SLC6A13: variants seen among roughly 807,000 people sequenced by gnomAD.
SLC6A13 encodes sodium- and chloride-dependent GABA transporter 2.
A neutral mutation model predicts 72.9 loss-of-function variants in SLC6A13; 69 were observed. That is an observed-to-expected ratio of 0.95 (90% confidence interval 0.78 to 1.16). The LOEUF (loss-of-function observed/expected upper bound fraction) is 1.16, where lower values mean the gene tolerates loss of function less well. SLC6A13 is among the 50% of genes most tolerant of loss of function. SLC6A13 has a pLI of 0.00. For missense variants in SLC6A13, 735 were observed against 760.5 expected (o/e 0.97, Z 0.39); for synonymous variants, 303 against 303.0 (o/e 1.00, Z 0.00).
intron 4 of SLC6A13, chr12:238,376 C>T (rs1326061111): frequency 7.7e-7 from 1 of 1,299,222 alleles, no homozygotes; most frequent in South Asian, 1.2e-5. Flanking sequence ...AGTGATGTGT[C>T]AGAGTGGCCG....
chr12:232,793 T>C (rs1197632857), intron 7 of SLC6A13, among the ~76,000 whole-genome samples: 1 of 152,240 alleles, frequency 6.6e-6, no homozygotes, highest in Non-Finnish European at 1.5e-5. Flanking sequence ...GGGAGGTTTC[T>C]GAATAGCCAT....
At chr12:249,088 T>C (rs1403529385) in intron 2 of SLC6A13, among the ~76,000 whole-genome samples, 7 of 152,312 alleles carry the variant, frequency 4.6e-5, no homozygotes, top group Middle Eastern at 3.4e-3. Flanking sequence ...TGGAATGAAA[T>C]GAAACCCAGT....
chr12:226,797 C>T (rs899405525), intron 8 of SLC6A13: 14 of 292,546 alleles, frequency 4.8e-5, no homozygotes, highest in Middle Eastern at 1.1e-3. Flanking sequence ...TGTGACAAAC[C>T]GCCACACAGC....
chr12:223,709 GGA>G (rs1442744293), intron 11 of SLC6A13: 6 of 406,274 alleles, frequency 1.5e-5, no homozygotes, highest in Non-Finnish European at 2.7e-5. Flanking sequence ...AGATCTTGCT[GGA>G]GAGTCAGCTT....
chr12:253,731 T>A (rs904210755), intron 2 of SLC6A13: 9 of 152,388 alleles, frequency 5.9e-5, no homozygotes, highest in African/African-American at 1.9e-4. Flanking sequence ...AGGCCCGTGT[T>A]CTGAAGCACC....
intron 7 of SLC6A13, among the ~76,000 whole-genome samples, chr12:232,107 C>A (rs1214087551): frequency 6.6e-6 from 1 of 152,214 alleles, no homozygotes; most frequent in African/African-American, 2.4e-5. Flanking sequence ...AGCCTCTTAA[C>A]AATGTCAGGG....
chr12:231,550 AGAG>A (rs975227565), intron 7 of SLC6A13, among the ~76,000 whole-genome samples: 4 of 152,156 alleles, frequency 2.6e-5, no homozygotes, highest in Non-Finnish European at 5.9e-5. Flanking sequence ...TGGACCAGGC[AGAG>A]AAGAAGGCTG....
At chr12:238,227 C>A in intron 4 of SLC6A13, 1 of 1,517,046 alleles carries the variant, frequency 6.6e-7, no homozygotes, top group Non-Finnish European at 8.8e-7. Context: ...TACATAGATG[C>A]TTGGGTATAC....
intron 9 of SLC6A13, among the ~76,000 whole-genome samples, chr12:225,755 G>C (rs1234558363): frequency 6.6e-6 from 1 of 152,106 alleles, no homozygotes; most frequent in African/African-American, 2.4e-5. Flanking sequence ...GTGTGGCCCA[G>C]GCGTGCTTCT....
intron 2 of SLC6A13, among the ~76,000 whole-genome samples, chr12:248,403 GA>G (rs35297718): frequency 0.63 from 63,376 of 100,384 alleles, 19,317 homozygotes; most frequent in Non-Finnish European, 0.74. Flanking sequence ...CTCCGTCTCG[GA>G]AAAAAAAAAA....
intron 4 of SLC6A13, among the ~76,000 whole-genome samples, chr12:240,299 G>C (rs1031857353): frequency 1.3e-5 from 2 of 152,126 alleles, no homozygotes; most frequent in African/African-American, 4.8e-5. Flanking sequence ...CACCTCCCAG[G>C]CTCAAGCAAT....
intron 6 of SLC6A13, 73 bp from the exon 7 acceptor site, chr12:235,297 G>A (rs1941885916): frequency 1.5e-5 from 23 of 1,516,108 alleles, no homozygotes; most frequent in Non-Finnish European, 2.1e-5. Flanking sequence ...AGGGGCAGGA[G>A]GCAGGGGCAA....
At chr12:233,878 G>A (rs966266763) in intron 7 of SLC6A13, among the ~76,000 whole-genome samples, 9 of 152,140 alleles carry the variant, frequency 5.9e-5, no homozygotes, top group South Asian at 2.1e-4. Flanking sequence ...GAACCACAGC[G>A]GCTCCAGCTT....
At chr12:228,509 CG>C (rs1305719249) in intron 7 of SLC6A13, among the ~76,000 whole-genome samples, 1 of 152,108 alleles carries the variant, frequency 6.6e-6, no homozygotes, top group Non-Finnish European at 1.5e-5. Flanking sequence ...GAAAGGGCGC[CG>C]GATGACCCGT....
At chr12:238,084 T>C (rs1470517472) in intron 4 of SLC6A13, 74 bp from the exon 5 acceptor site, 1 of 1,585,136 alleles carries the variant, frequency 6.3e-7, no homozygotes, top group African/African-American at 1.3e-5. Context: ...GAGAGTGGGG[T>C]GAAATTCTAG....
rs1941167340 is a variant in SLC6A13, at chr12:220,671, A to G, written c.*277T>C. On this transcript the variant is annotated 3_prime_UTR_variant, in exon 15 of 15. Coordinates refer to ENST00000343164, the MANE Select transcript of SLC6A13 (RefSeq NM_016615.5). ...TGGAATGAAGGATGAGAGGGCCCGA[A>G]GCCAGCAAGTCTCGCCCCACCTACC... 7.1e-6 allele frequency: 3 copies of G among 421,104 alleles called. No homozygotes were observed. Among genetic ancestry groups the G allele is most frequent in the Non-Finnish European group, 1.3e-5 (3 of 230,298 alleles). The allele number at this position is 421,104 out of a possible 1,614,324, so 26.1% of individuals were successfully genotyped here.
intron 12 of SLC6A13, 22 bp downstream of exon 12, chr12:223,110 A>T: frequency 5.5e-6 from 8 of 1,447,822 alleles, no homozygotes; most frequent in Non-Finnish European, 7.8e-6. Flanking sequence ...GGATGCTGGG[A>T]CCTAGGGGAG....
At chr12:256,695 T>C (rs1019630460) in intron 2 of SLC6A13, 3 of 152,328 alleles carry the variant, frequency 2.0e-5, no homozygotes, top group East Asian at 1.9e-4. Context: ...ACTAAAATTG[T>C]GCTCTGAGGA....
intron 13 of SLC6A13, 121 bp from the exon 14 acceptor site, chr12:221,667 T>C (rs1020813094): frequency 1.5e-6 from 1 of 659,196 alleles, no homozygotes; most frequent in Middle Eastern, 3.6e-4. Context: ...CTAGCTCTTC[T>C]GGACCAATCA....
Sources: gnomAD v4.1 joint callset for allele counts (sites outside exome capture counted in the v4.1 genomes callset) on GRCh38, gnomAD v4.1.1 for gene constraint, MANE v1.5 for transcripts, NCBI Gene and HGNC (gene_info 2026-07-23, HGNC 2026-07-21) for gene names.